Variants in INPP4B observed in about 807,000 individuals in gnomAD.
INPP4B encodes the protein inositol polyphosphate 4-phosphatase type II.
Under a neutral mutation model 122.5 loss-of-function variants are expected in INPP4B, and 55 were observed. That is an observed-to-expected ratio of 0.45 (90% confidence interval 0.36 to 0.56). INPP4B has a LOEUF of 0.56. Ranked by LOEUF, INPP4B falls within the 20% of genes least tolerant of loss-of-function variation. The pLI, the probability that INPP4B is intolerant of heterozygous loss-of-function variation, is 0.00. For missense variants in INPP4B, 1,000 were observed against 1,097.7 expected (o/e 0.91, Z 1.26); for synonymous variants, 403 against 388.7 (o/e 1.04, Z -0.43).
chr4:142,497,774 A>C (rs1822782274), intron 2 of INPP4B, among the ~76,000 whole-genome samples: 1 of 152,204 alleles, frequency 6.6e-6, no homozygotes, highest in African/African-American at 2.4e-5. Flanking sequence ...CAGTCATTGC[A>C]TAGAAAGCCT....
intron 2 of INPP4B, among the ~76,000 whole-genome samples, chr4:142,589,148 A>G (rs905110525): frequency 2.0e-5 from 3 of 152,012 alleles, no homozygotes; most frequent in Non-Finnish European, 2.9e-5. Context: ...CATATACATA[A>G]AAATAACCAA....
At chr4:142,743,229 C>T (rs1768159568) in intron 1 of INPP4B, among the ~76,000 whole-genome samples, 1 of 151,878 alleles carries the variant, frequency 6.6e-6, no homozygotes, top group African/African-American at 2.4e-5. Flanking sequence ...CATAATAGTC[C>T]CAGTTATCTC....
At chr4:142,815,485 A>G (rs555716884) in intron 1 of INPP4B, among the ~76,000 whole-genome samples, 14 of 152,176 alleles carry the variant, frequency 9.2e-5, no homozygotes, top group Non-Finnish European at 1.3e-4. Context: ...TACTTTAACT[A>G]AAGTTATACT....
intron 1 of INPP4B, among the ~76,000 whole-genome samples, chr4:142,777,409 G>A (rs1432202524): frequency 6.6e-6 from 1 of 152,078 alleles, no homozygotes; most frequent in Non-Finnish European, 1.5e-5. Context: ...GTGGCCTCTA[G>A]TAGCTGAGGG....
chr4:142,602,449 A>G (rs1170698143), intron 2 of INPP4B, among the ~76,000 whole-genome samples: 1 of 152,196 alleles, frequency 6.6e-6, no homozygotes, highest in African/African-American at 2.4e-5. Flanking sequence ...ACTACCATTG[A>G]CATTCTTCCG....
chr4:142,504,178 T>G (rs1481292398), intron 2 of INPP4B, among the ~76,000 whole-genome samples: 1 of 151,996 alleles, frequency 6.6e-6, no homozygotes, highest in Admixed American at 6.6e-5. Flanking sequence ...TGCAAAATAC[T>G]ATTAAAATTA....
At chr4:142,176,168 AG>A (rs1828155206) in intron 15 of INPP4B, among the ~76,000 whole-genome samples, 1 of 127,462 alleles carries the variant, frequency 7.8e-6, no homozygotes, top group African/African-American at 2.7e-5. Flanking sequence ...TTTAAGTTCT[AG>A]GGTACATGTG....
intron 2 of INPP4B, among the ~76,000 whole-genome samples, chr4:142,640,656 A>G (rs1580589479): frequency 6.6e-6 from 1 of 152,172 alleles, no homozygotes; most frequent in East Asian, 1.9e-4. Flanking sequence ...TCACATTAAG[A>G]CAGTAAAGAG....
chr4:142,061,330 A>G (rs77168284), intron 25 of INPP4B, among the ~76,000 whole-genome samples: 1 of 152,290 alleles, frequency 6.6e-6, no homozygotes, highest in East Asian at 1.9e-4. Context: ...GTCACTAGGT[A>G]ATCTCCAAGG....
chr4:142,136,718 G>A lies in INPP4B; in HGVS notation c.1720+9122C>T, dbSNP rs151299782. Among the ~76,000 whole-genome samples the A allele has an allele frequency of 2.6e-5, 4 of 152,326 alleles. No homozygotes were observed. In the East Asian group the frequency reaches 7.7e-4, roughly 29 times the overall value. On this transcript the variant is annotated intron_variant, in intron 18 of 25. Coordinates refer to ENST00000262992, the MANE Select transcript of INPP4B (RefSeq NM_001101669.3). ...AAAAAGGGAGAAAGTGTCTTGAAGA[G>A]GCAGGTGGTGGTAAGGGAATTTAGG...
intron 1 of INPP4B, among the ~76,000 whole-genome samples, chr4:142,750,073 G>T (rs1167754830): frequency 6.6e-6 from 1 of 151,866 alleles, no homozygotes; most frequent in African/African-American, 2.4e-5. Flanking sequence ...CTGAAAATGA[G>T]ACAATAACTT....
intron 5 of INPP4B, among the ~76,000 whole-genome samples, chr4:142,410,411 C>A (rs1804358295): frequency 1.3e-5 from 2 of 152,214 alleles, no homozygotes; most frequent in Non-Finnish European, 2.9e-5. Flanking sequence ...CTTCATCTCT[C>A]TTCTTGCCAT....
chr4:142,603,540 T>C (rs1740544362), intron 2 of INPP4B, among the ~76,000 whole-genome samples: 1 of 151,684 alleles, frequency 6.6e-6, no homozygotes, highest in Non-Finnish European at 1.5e-5. Flanking sequence ...TTACAACTGA[T>C]ACCACAGAAA....
intron 10 of INPP4B, among the ~76,000 whole-genome samples, chr4:142,260,821 G>T (rs1205000660): frequency 6.6e-6 from 1 of 152,124 alleles, no homozygotes; most frequent in East Asian, 1.9e-4. Flanking sequence ...TGAGAAAAAT[G>T]ATTATCCCCA....
chr4:142,070,877 G>A (rs1283739131), intron 25 of INPP4B, among the ~76,000 whole-genome samples: 4 of 152,092 alleles, frequency 2.6e-5, no homozygotes, highest in Non-Finnish European at 5.9e-5. Context: ...CTCATGGATA[G>A]GAAGAATCAA....
chr4:142,761,885 T>C (rs1298462814), intron 1 of INPP4B, among the ~76,000 whole-genome samples: 2 of 152,064 alleles, frequency 1.3e-5, no homozygotes, highest in Non-Finnish European at 2.9e-5. Flanking sequence ...TCCTAAAACC[T>C]CTCAAAATAC....
intron 2 of INPP4B, among the ~76,000 whole-genome samples, chr4:142,604,314 G>C (rs1740732906): frequency 6.6e-6 from 1 of 151,978 alleles, no homozygotes; most frequent in Non-Finnish European, 1.5e-5. Flanking sequence ...CTAAGAACTG[G>C]AACAAGACAA....
intron 7 of INPP4B, among the ~76,000 whole-genome samples, chr4:142,397,615 G>A (rs1409052085): frequency 2.6e-5 from 4 of 152,010 alleles, no homozygotes; most frequent in African/African-American, 4.8e-5. Context: ...CGAAGCGGAC[G>A]GATCACGAGG....
chr4:142,064,896 C>A (rs899247384), intron 25 of INPP4B, among the ~76,000 whole-genome samples: 1 of 151,984 alleles, frequency 6.6e-6, no homozygotes, highest in Non-Finnish European at 1.5e-5. Context: ...TATAATGGCA[C>A]AATTTTCTCA....
Sources: allele counts gnomAD v4.1 joint callset (sites outside exome capture counted in the v4.1 genomes callset), GRCh38; gene constraint gnomAD v4.1.1; transcripts MANE v1.5; gene names NCBI Gene and HGNC (gene_info 2026-07-23, HGNC 2026-07-21).